The following GLIPR1L1 variants were observed in gnomAD, a reference collection of about 807,000 sequenced individuals.
The protein encoded by GLIPR1L1 is GLIPR1 like 1, also known as GLIPR1-like protein 1.
Under a neutral mutation model 29.9 loss-of-function variants are expected in GLIPR1L1, and 26 were observed. The observed-to-expected ratio is 0.87, with a 90% confidence interval of 0.64 to 1.21. GLIPR1L1 has a LOEUF of 1.21. Ranked by LOEUF, GLIPR1L1 falls within the 50% of genes most tolerant of loss-of-function variation. The pLI is 0.00. For synonymous variants in GLIPR1L1, 77 were observed against 97.5 expected (o/e 0.79, Z 1.24); for missense variants, 305 against 290.3 (o/e 1.05, Z -0.37).
intron 3 of GLIPR1L1, among the ~76,000 whole-genome samples, chr12:75,348,526 C>T (rs777193392): frequency 6.6e-6 from 1 of 152,018 alleles, no homozygotes; most frequent in South Asian, 2.1e-4. Context: ...AAACTACTGA[C>T]ACATTTATTA....
chr12:75,352,689 A>G (rs2042892673), intron 3 of GLIPR1L1, among the ~76,000 whole-genome samples: 1 of 152,206 alleles, frequency 6.6e-6, no homozygotes, highest in African/African-American at 2.4e-5. Context: ...CCCCAAAACA[A>G]CAGAATATAC....
chr12:75,369,723 T>C (rs2044232995), intron 4 of GLIPR1L1: 11 of 985,256 alleles, frequency 1.1e-5, no homozygotes, highest in Non-Finnish European at 1.2e-5. Flanking sequence ...TTTTGACTTT[T>C]GTGCCTTCAA....
intron 1 of GLIPR1L1, among the ~76,000 whole-genome samples, chr12:75,341,565 G>C (rs1270312026): frequency 6.6e-5 from 10 of 150,580 alleles, no homozygotes; most frequent in Middle Eastern, 3.3e-3. Flanking sequence ...TCCTGCCTCA[G>C]CCTCCGGAGT....
intron 3 of GLIPR1L1, among the ~76,000 whole-genome samples, chr12:75,355,304 G>T (rs2043080864): frequency 6.6e-6 from 1 of 152,102 alleles, no homozygotes; most frequent in African/African-American, 2.4e-5. Flanking sequence ...ATTCAAAAAT[G>T]GGCAAAAGAC....
intron 3 of GLIPR1L1, among the ~76,000 whole-genome samples, chr12:75,361,199 CA>C (rs36088782): frequency 6.6e-6 from 1 of 150,470 alleles, no homozygotes; most frequent in African/African-American, 2.4e-5. Context: ...GTTGGTATGC[CA>C]AAAAAAATAA....
At chr12:75,340,945 T>C (rs958947277) in intron 1 of GLIPR1L1, among the ~76,000 whole-genome samples, 7 of 151,724 alleles carry the variant, frequency 4.6e-5, no homozygotes, top group African/African-American at 1.7e-4. Flanking sequence ...CTGGTGAAGA[T>C]ATGGAGAAAA....
At chr12:75,359,662 A>G (rs2043431822) in intron 3 of GLIPR1L1, among the ~76,000 whole-genome samples, 1 of 152,134 alleles carries the variant, frequency 6.6e-6, no homozygotes, top group South Asian at 2.1e-4. Flanking sequence ...GAATACAGAG[A>G]TCAGAAATAG....
intron 4 of GLIPR1L1, among the ~76,000 whole-genome samples, chr12:75,364,174 G>T (rs2043808563): frequency 6.6e-6 from 1 of 152,122 alleles, no homozygotes; most frequent in Non-Finnish European, 1.5e-5. Context: ...TGTTAATGCT[G>T]GTCAGCTTTT....
At chr12:75,365,187 T>C (rs971174809) in intron 4 of GLIPR1L1, 1 of 152,180 alleles carries the variant, frequency 6.6e-6, no homozygotes, top group Non-Finnish European at 1.5e-5. Context: ...TCAGGCTCAA[T>C]GGGATTCCAA....
chr12:75,347,898 T>C (rs2042561726), intron 3 of GLIPR1L1, among the ~76,000 whole-genome samples, 176 bp downstream of exon 3: 2 of 152,000 alleles, frequency 1.3e-5, no homozygotes, highest in Admixed American at 1.3e-4. Context: ...TTGCCTTACT[T>C]AAAGAAAAAT....
intron 2 of GLIPR1L1, 32 bp downstream of exon 2, chr12:75,343,970 T>C (rs2042286329): frequency 1.3e-6 from 2 of 1,529,100 alleles, no homozygotes; most frequent in South Asian, 1.2e-5. Context: ...TGATTAGTTC[T>C]TATTTGTGCA....
At chr12:75,340,396 A>G (rs1565953536) in intron 1 of GLIPR1L1, among the ~76,000 whole-genome samples, 1 of 151,744 alleles carries the variant, frequency 6.6e-6, no homozygotes, top group Non-Finnish European at 1.5e-5. Context: ...TTTAATGCCT[A>G]TAAGAAAAGA....
chr12:75,341,701 C>T (rs934895357), intron 1 of GLIPR1L1, among the ~76,000 whole-genome samples: 2 of 151,522 alleles, frequency 1.3e-5, no homozygotes, highest in Non-Finnish European at 2.9e-5. Context: ...CCGCATCGGC[C>T]GCCCAAAGTG....
chr12:75,361,536 G>A (rs553898587), intron 3 of GLIPR1L1, among the ~76,000 whole-genome samples: 1 of 152,286 alleles, frequency 6.6e-6, no homozygotes, highest in South Asian at 2.1e-4. Flanking sequence ...TGAAGCAACA[G>A]CCCAAGCTGT....
intron 3 of GLIPR1L1, among the ~76,000 whole-genome samples, chr12:75,355,135 C>A (rs1156303269): frequency 6.6e-6 from 1 of 151,998 alleles, no homozygotes; most frequent in Admixed American, 6.6e-5. Flanking sequence ...TAAATGGGAT[C>A]AATTAAACTA....
At chr12:75,342,578 A>G (rs1448163752) in intron 1 of GLIPR1L1, among the ~76,000 whole-genome samples, 1 of 152,164 alleles carries the variant, frequency 6.6e-6, no homozygotes, top group Non-Finnish European at 1.5e-5. Context: ...CAATATGACA[A>G]TATCTTAATG....
At chr12:75,361,948 C>T (rs546013498) in intron 3 of GLIPR1L1, among the ~76,000 whole-genome samples, 84 of 152,132 alleles carry the variant, frequency 5.5e-4, no homozygotes, top group African/African-American at 1.9e-3. Flanking sequence ...AAAAGATGAA[C>T]AAAAACCTCT....
chr12:75,358,516 C>T (rs1011963826), intron 3 of GLIPR1L1, among the ~76,000 whole-genome samples: 3 of 150,888 alleles, frequency 2.0e-5, no homozygotes, highest in African/African-American at 7.3e-5. Flanking sequence ...CTGATGAAGG[C>T]TCCTAACAAG....
In GLIPR1L1 at chr12:75,367,124, A is replaced by G. The variant is rs977603241; in HGVS notation, c.611-2836A>G. 5 of 670,396 alleles carry G rather than the reference A, an allele frequency of 7.5e-6. No homozygotes were observed. The African/African-American group carries it at 8.9e-5, about 12-fold the overall frequency. 41.5% of individuals were successfully genotyped at this position (670,396 alleles called of 1,614,324 possible). On this transcript the variant is annotated intron_variant, in intron 4 of 5. Coordinates refer to ENST00000378695, the MANE Select transcript of GLIPR1L1 (RefSeq NM_001304964.2). ...GAAAACGTAATGGAGAAGACACTTT[A>G]GAATACACCTCCAAAGTGGAAACCA...
Sources: allele counts gnomAD v4.1 joint callset (sites outside exome capture counted in the v4.1 genomes callset), GRCh38; gene constraint gnomAD v4.1.1; transcripts MANE v1.5; gene names NCBI Gene and HGNC (gene_info 2026-07-23, HGNC 2026-07-21).